NETO1: variants seen among roughly 807,000 people sequenced by gnomAD.
The protein encoded by NETO1 is neuropilin and tolloid-like protein 1.
Under a neutral mutation model 61.3 loss-of-function variants are expected in NETO1, and 26 were observed. That is an observed-to-expected ratio of 0.42 (90% confidence interval 0.31 to 0.59). The LOEUF (loss-of-function observed/expected upper bound fraction) is 0.59. NETO1 is among the 20% of genes least tolerant of loss of function. NETO1 has a pLI of 0.12. For synonymous variants in NETO1, 225 were observed against 225.8 expected (o/e 1.00, Z 0.03); for missense variants, 531 against 662.8 (o/e 0.80, Z 2.18).
intron 4 of NETO1, among the ~76,000 whole-genome samples, chr18:72,845,088 AT>A (rs1321045874): frequency 2.6e-5 from 4 of 152,204 alleles, no homozygotes; most frequent in African/African-American, 7.2e-5. Flanking sequence ...ACATCTCAAC[AT>A]TTTGTATACA....
intron 7 of NETO1, among the ~76,000 whole-genome samples, chr18:72,769,951 T>A (rs1031465525): frequency 6.6e-6 from 1 of 152,222 alleles, no homozygotes; most frequent in Middle Eastern, 3.4e-3. Flanking sequence ...GGTGATATTC[T>A]ATCTTTGTTC....
chr18:72,798,628 G>A lies in NETO1; in HGVS notation c.470-4224C>T, dbSNP rs376624551. Among the ~76,000 whole-genome samples the A allele has an allele frequency of 1.2e-4, 19 of 152,198 alleles. 1 individual carries two copies. Among genetic ancestry groups the A allele is most frequent in the East Asian group, 5.8e-4 (3 of 5,162 alleles). On this transcript the variant is annotated intron_variant, in intron 4 of 10. Transcript: ENST00000327305. ...TTATTTTATTTACTTCCATCAATGC[G>A]TCTTTCCCACACTGCACACTTGTCT... is the stretch of plus-strand genomic sequence containing the variant.
Position 72,794,231 on chromosome 18 carries a change from C to G in NETO1, c.525G>C (p.Glu175Asp). ...ALKPLPACEF[E>D]MGGSEGIVES... ...CCACAATTCCTTCGGAACCGCCCAT[C>G]TCAAACTCACACGCTAAATAACAAA... Residue 175 changes from glutamate to aspartate, a missense_variant, in exon 6 of 11, where the codon GAG (glutamate) becomes GAC (aspartate). Glu to Asp is a conservative substitution (Grantham distance 45, BLOSUM62 2). Coordinates refer to ENST00000327305, the MANE Select transcript of NETO1 (RefSeq NM_138966.5). 6.2e-7 allele frequency: 1 copy of G among 1,614,178 alleles called. No individual in the cohort carries two copies. Among genetic ancestry groups the G allele is most frequent in the Non-Finnish European group, 8.5e-7 (1 of 1,180,018 alleles).
Position 72,864,793 on chromosome 18 carries a change from A to G in NETO1, c.220+15T>C. Reference sequence around the variant, plus strand: ...GGCTTAGTGCTTTCTTAACTCTGGCACTGTCTCCCCTTACCTTCTATGATG... The same window carrying G: ...GGCTTAGTGCTTTCTTAACTCTGGCGCTGTCTCCCCTTACCTTCTATGATG... On this transcript the variant is annotated intron_variant, in intron 3 of 10. Coordinates refer to ENST00000327305, the MANE Select transcript of NETO1 (RefSeq NM_138966.5). 6.2e-7 allele frequency: 1 copy of G among 1,613,904 alleles called. No homozygotes were observed. The highest frequency in any genetic ancestry group is 8.5e-7 in the Non-Finnish European group (1 of 1,179,938).
At chr18:72,863,528 T>C (rs1443718169) in intron 3 of NETO1, among the ~76,000 whole-genome samples, 3 of 152,202 alleles carry the variant, frequency 2.0e-5, no homozygotes, top group Non-Finnish European at 4.4e-5. Context: ...CTGCCAGACC[T>C]TAGGTTTTCA....
chr18:72,824,333 A>G (rs2073306382), intron 4 of NETO1, among the ~76,000 whole-genome samples: 1 of 152,132 alleles, frequency 6.6e-6, no homozygotes, highest in African/African-American at 2.4e-5. Flanking sequence ...GCATTCTATT[A>G]TTGTGTGTCT....
At chr18:72,814,931 G>GAA (rs72121412) in intron 4 of NETO1, among the ~76,000 whole-genome samples, 3 of 150,090 alleles carry the variant, frequency 2.0e-5, no homozygotes, top group African/African-American at 4.9e-5. Context: ...GCTTATCAAA[G>GAA]AAAAAAAAAT....
intron 7 of NETO1, among the ~76,000 whole-genome samples, chr18:72,767,589 T>C (rs906995744): frequency 2.0e-5 from 3 of 152,190 alleles, no homozygotes; most frequent in African/African-American, 7.2e-5. Flanking sequence ...TCTGTACACA[T>C]AATACTTCTT....
At chr18:72,754,916 C>G (rs888657208) in intron 8 of NETO1, among the ~76,000 whole-genome samples, 1 of 152,136 alleles carries the variant, frequency 6.6e-6, no homozygotes, top group Non-Finnish European at 1.5e-5. Flanking sequence ...GCACATGGGA[C>G]AAACTTTAGG....
intron 4 of NETO1, among the ~76,000 whole-genome samples, chr18:72,821,571 A>AAAC (rs34347488): frequency 0.063 from 9,530 of 150,616 alleles, 382 homozygotes; most frequent in Middle Eastern, 0.11. Context: ...AAAAAAAAAA[A>AAAC]AAAAAAGGAA....
At chr18:72,809,230 A>T (rs1263231617) in intron 4 of NETO1, among the ~76,000 whole-genome samples, 1 of 152,258 alleles carries the variant, frequency 6.6e-6, no homozygotes, top group Non-Finnish European at 1.5e-5. Context: ...TATGCCAGAC[A>T]AGCAATAAAT....
Position 72,858,688 on chromosome 18 carries a change from A to G in NETO1, c.469+138T>C, listed in dbSNP as rs2074477845. 6.9e-6 allele frequency: 6 copies of G among 867,770 alleles called. No homozygotes were observed. The East Asian group carries it at 1.4e-4, about 20-fold the overall frequency. The allele number at this position is 867,770 out of a possible 1,614,324, so 53.8% of individuals were successfully genotyped here. On this transcript the variant is annotated intron_variant, in intron 4 of 10. Coordinates refer to ENST00000327305, the MANE Select transcript of NETO1 (RefSeq NM_138966.5). ...TTCAGAATTTGTGTAGGGAAAAGAAAAAGCACTGTAGATTTGGTTTTAAAT... is the reference window on the plus strand; with the variant it reads ...TTCAGAATTTGTGTAGGGAAAAGAAGAAGCACTGTAGATTTGGTTTTAAAT...
intron 8 of NETO1, among the ~76,000 whole-genome samples, chr18:72,751,041 A>T (rs753725388): frequency 1.4e-5 from 2 of 146,336 alleles, no homozygotes; most frequent in Admixed American, 7.1e-5. Flanking sequence ...CCAGCATCTC[A>T]TCTTAAAATA....
rs2070553480 is a variant in NETO1, at chr18:72,750,325, T to C, written c.1278A>G (p.Lys426=). ...ATCCACAGTGATGGTCATGAATGCA[T>C]TTGGAAGATGACCTCCGCAGTTTAT... The part of the protein sequence containing the change: ...NYHKLRRSSS[K]CIHDHHCGSQ... Residue 426 remains lysine, a synonymous_variant, in exon 9 of 11, where the codon AAA becomes AAG. Transcript: ENST00000327305. The C allele has an allele frequency of 1.2e-6, 2 of 1,614,074 alleles. No homozygotes were observed. The highest frequency in any genetic ancestry group is 4.5e-5 in the East Asian group (2 of 44,874).
At chr18:72,797,440 A>G (rs1034875242) in intron 4 of NETO1, among the ~76,000 whole-genome samples, 1 of 152,234 alleles carries the variant, frequency 6.6e-6, no homozygotes, top group African/African-American at 2.4e-5. Flanking sequence ...ATGACCTGCA[A>G]AAACAAACAA....
chr18:72,817,694 G>A (rs1049720822), intron 4 of NETO1, among the ~76,000 whole-genome samples: 4 of 152,220 alleles, frequency 2.6e-5, no homozygotes, highest in Admixed American at 2.6e-4. Flanking sequence ...CTAACAAATA[G>A]TGCTTCACTT....
intron 6 of NETO1, among the ~76,000 whole-genome samples, chr18:72,784,434 T>C (rs1286948746): frequency 1.3e-5 from 2 of 152,342 alleles, no homozygotes; most frequent in South Asian, 4.1e-4. Flanking sequence ...TATAATTTTT[T>C]ATAAAAAGGC....
chr18:72,758,822 A>G (rs2070873932), intron 7 of NETO1, among the ~76,000 whole-genome samples: 1 of 152,134 alleles, frequency 6.6e-6, no homozygotes, highest in South Asian at 2.1e-4. Context: ...GGTCTGGGTG[A>G]CAGAGAAAGA....
At chr18:72,854,025 A>G (rs1376357787) in intron 4 of NETO1, among the ~76,000 whole-genome samples, 1 of 152,144 alleles carries the variant, frequency 6.6e-6, no homozygotes, top group African/African-American at 2.4e-5. Flanking sequence ...TGAATCCATG[A>G]CAATATTTTA....
Sources: gnomAD v4.1 joint callset for allele counts (sites outside exome capture counted in the v4.1 genomes callset) on GRCh38, gnomAD v4.1.1 for gene constraint, MANE v1.5 for transcripts, NCBI Gene and HGNC (gene_info 2026-07-23, HGNC 2026-07-21) for gene names.